PAG1: variants seen among roughly 807,000 people sequenced by gnomAD.
The protein encoded by PAG1 is phosphoprotein membrane anchor with glycosphingolipid microdomains 1, also known as phosphoprotein associated with glycosphingolipid-enriched microdomains 1.
Under a neutral mutation model 31.7 loss-of-function variants are expected in PAG1, and 23 were observed. The ratio of observed to expected loss-of-function variants is 0.73; its 90% CI spans 0.52 to 1.03. The LOEUF is 1.03. PAG1 is among the 50% of genes least tolerant of loss of function. The pLI, the probability that PAG1 is intolerant of heterozygous loss-of-function variation, is 0.00. For synonymous variants in PAG1, 214 were observed against 210.3 expected, an observed-to-expected ratio of 1.02 and a Z score of -0.15; for missense variants, 473 against 540.7, an observed-to-expected ratio of 0.87 and a Z score of 1.24.
chr8:81,061,008 T>A (rs1808908738), intron 2 of PAG1, among the ~76,000 whole-genome samples: 1 of 152,190 alleles, frequency 6.6e-6, no homozygotes, highest in Non-Finnish European at 1.5e-5. Flanking sequence ...CCAAATTATA[T>A]CTGTTTTGCA....
At chr8:81,002,296 C>T (rs1334231768) in intron 3 of PAG1, among the ~76,000 whole-genome samples, 1 of 152,018 alleles carries the variant, frequency 6.6e-6, no homozygotes, top group Non-Finnish European at 1.5e-5. Flanking sequence ...CCACTTGACA[C>T]AAATGCCTCT....
At chr8:81,062,253 C>G (rs948478942) in intron 2 of PAG1, among the ~76,000 whole-genome samples, 2 of 152,186 alleles carry the variant, frequency 1.3e-5, no homozygotes, top group African/African-American at 2.4e-5. Context: ...AATGGAAGTT[C>G]TTTTGTTAGC....
intron 7 of PAG1, among the ~76,000 whole-genome samples, chr8:80,981,507 C>T (rs757447693): frequency 2.0e-5 from 3 of 152,142 alleles, no homozygotes; most frequent in Non-Finnish European, 4.4e-5. Context: ...AGACTTCCAA[C>T]ACCTCCTCAC....
chr8:81,066,028 G>C lies in PAG1; in HGVS notation c.-175+4084C>G, dbSNP rs575041042. The stretch of plus-strand genomic sequence containing the variant: ...CAAAGTGAACATTCTCATGTTAACT[G>C]CCCCTTGGGCAGAAGTGCCCATCCT... On this transcript the variant is annotated intron_variant, in intron 2 of 8. Coordinates refer to ENST00000220597, the MANE Select transcript of PAG1 (RefSeq NM_018440.4). Among the ~76,000 whole-genome samples, 4 of 152,280 alleles carry C rather than the reference G, an allele frequency of 2.6e-5. No individual in the cohort carries two copies. The South Asian group carries it at 8.3e-4, about 32-fold the overall frequency.
chr8:81,044,334 T>C (rs539451287), intron 2 of PAG1, among the ~76,000 whole-genome samples: 4 of 152,046 alleles, frequency 2.6e-5, no homozygotes, highest in African/African-American at 7.2e-5. Flanking sequence ...ACATAAAAGG[T>C]GGAAATTTGG....
chr8:81,017,696 A>G (rs769462344), intron 3 of PAG1, among the ~76,000 whole-genome samples: 2 of 152,192 alleles, frequency 1.3e-5, no homozygotes, highest in East Asian at 3.8e-4. Context: ...CACTACAGAA[A>G]GACCTCCCCA....
rs1222919475 is a variant in PAG1 at position 80,976,634 on chromosome 8, C to G, written c.1209G>C (p.Gly403=). Residue 403 remains glycine (G), a synonymous_variant, in exon 9 of 9, where the codon GGG becomes GGC. Coordinates refer to ENST00000220597, the MANE Select transcript of PAG1 (RefSeq NM_018440.4). ...GGACGAGACCGTGGTGGCCATTGGT[C>G]CCCAGGGTGGCCTTTTCTTCCTCTC... ...LNREEEKATL[G]TNGHHGLVPK... 6.2e-7 allele frequency: 1 copy of G among 1,614,120 alleles called. No homozygotes were observed. Among genetic ancestry groups the G allele is most frequent in the Non-Finnish European group, 8.5e-7 (1 of 1,179,986 alleles).
intron 3 of PAG1, among the ~76,000 whole-genome samples, chr8:81,026,378 AAAGAGTGTCAGTAAGTGTTT>A (rs1236765851): frequency 1.3e-5 from 2 of 150,274 alleles, no homozygotes; most frequent in African/African-American, 2.5e-5. Flanking sequence ...CCCCAAAATA[AAAGAGTGTCAGTAAGTGTTT>A]ACTCCAATTT....
intron 3 of PAG1, among the ~76,000 whole-genome samples, chr8:81,002,823 T>C (rs1396744892): frequency 6.6e-6 from 1 of 152,258 alleles, no homozygotes; most frequent in Non-Finnish European, 1.5e-5. Context: ...TTACTGGTGT[T>C]ATTGTGAATT....
intron 2 of PAG1, among the ~76,000 whole-genome samples, chr8:81,047,937 T>C (rs1808669138): frequency 1.3e-5 from 2 of 152,104 alleles, no homozygotes; most frequent in Non-Finnish European, 2.9e-5. Context: ...TGTTCTAGGA[T>C]AAAGAAAAAA....
At position 81,065,390 on chromosome 8, in the gene PAG1, T is replaced by C. The variant is rs143707282; in HGVS notation, c.-175+4722A>G. Among the ~76,000 whole-genome samples, 187 of 152,248 alleles carry C rather than the reference T, an allele frequency of 1.2e-3. 3 individuals carry two copies. Among genetic ancestry groups the C allele is most frequent in the South Asian group, 8.7e-3 (42 of 4,826 alleles). On this transcript the variant is annotated intron_variant, in intron 2 of 8. Transcript: ENST00000220597. ...ACGGAAGAGTCCTGATGTATGGAAG[T>C]CTATGGAAATCAAGAAGTGAAATCT... is the stretch of plus-strand genomic sequence containing the variant.
intron 2 of PAG1, among the ~76,000 whole-genome samples, chr8:81,039,921 A>G (rs1295907248): frequency 6.6e-6 from 1 of 152,200 alleles, no homozygotes; most frequent in Admixed American, 6.5e-5. Flanking sequence ...AGCATACTTA[A>G]TGAAACAGCT....
intron 1 of PAG1, among the ~76,000 whole-genome samples, chr8:81,111,107 G>A (rs550431817): frequency 1.4e-4 from 21 of 152,342 alleles, no homozygotes; most frequent in African/African-American, 4.8e-4. Context: ...TTTCCCTAAA[G>A]GACTAGGCTC....
At chr8:81,007,242 A>G (rs1457283829) in intron 3 of PAG1, among the ~76,000 whole-genome samples, 1 of 152,136 alleles carries the variant, frequency 6.6e-6, no homozygotes, top group Non-Finnish European at 1.5e-5. Context: ...TCTTCTAGAA[A>G]TGTGGAAGTT....
chr8:81,061,767 G>A (rs767492040), intron 2 of PAG1, among the ~76,000 whole-genome samples: 4 of 152,178 alleles, frequency 2.6e-5, no homozygotes, highest in Non-Finnish European at 5.9e-5. Context: ...CGTAAAAAAG[G>A]AAAGGTGAGA....
At chr8:81,099,893 G>A (rs1809583933) in intron 1 of PAG1, among the ~76,000 whole-genome samples, 1 of 152,172 alleles carries the variant, frequency 6.6e-6, no homozygotes. Context: ...TGAAGATGAT[G>A]AAAAACTCAT....
intron 3 of PAG1, among the ~76,000 whole-genome samples, chr8:81,019,728 T>C (rs1808129707): frequency 6.6e-6 from 1 of 152,110 alleles, no homozygotes; most frequent in Non-Finnish European, 1.5e-5. Context: ...TAGAGCAGTG[T>C]GGAAAGAAAA....
Position 80,985,253 on chromosome 8 carries a change from C to T in PAG1, c.399G>A (p.Leu133=), listed in dbSNP as rs1481760837. 6.2e-7 allele frequency: 1 copy of T among 1,614,026 alleles called. No homozygotes were observed. The highest frequency in any genetic ancestry group is 1.3e-5 in the African/African-American group (1 of 74,900). ...GKPKCHQSRE[L]PRIPPESAVD... Reference sequence around the variant, plus strand: ...CTGCGCTCTCGGGAGGGATTCTGGGCAGCTCCCGACTCTGATGACATTTTG... The same window carrying T: ...CTGCGCTCTCGGGAGGGATTCTGGGTAGCTCCCGACTCTGATGACATTTTG... Residue 133 remains leucine (L), a synonymous_variant, in exon 7 of 9, where the codon CTG becomes CTA. Transcript: ENST00000220597.
rs548039881 is a variant in PAG1, at chr8:80,985,149, T to C, written c.503A>G (p.Asp168Gly). The C allele has an allele frequency of 6.2e-7, 1 of 1,614,172 alleles. No individual in the cohort carries two copies. Among genetic ancestry groups the C allele is most frequent in the East Asian group, 2.2e-5 (1 of 44,892 alleles). The change falls in exon 7 of 9, where the codon GAC becomes GGC. Residue 168 changes from aspartate to glycine, a missense_variant. Asp to Gly is a moderately conservative substitution (Grantham distance 94). Coordinates refer to ENST00000220597, the MANE Select transcript of PAG1 (RefSeq NM_018440.4). ...CACCATGTTTTCTTGGGAGGAGCTG[T>C]CCTTGAGCACTTCATAGGGCCCTTC... is the stretch of plus-strand genomic sequence containing the variant. The part of the protein sequence containing the change: ...GMEGPYEVLK[D>G]SSSQENMVED...
Sources: allele counts gnomAD v4.1 joint callset (sites outside exome capture counted in the v4.1 genomes callset), GRCh38; gene constraint gnomAD v4.1.1; transcripts MANE v1.5; gene names NCBI Gene and HGNC (gene_info 2026-07-23, HGNC 2026-07-21).